Variants in PLD5 observed in about 807,000 individuals in gnomAD.
PLD5 encodes inactive phospholipase D5.
In PLD5, 36 loss-of-function variants were observed where a neutral mutation model predicts 61.1. The observed-to-expected ratio is 0.59, with a 90% confidence interval of 0.45 to 0.78. The LOEUF is 0.78. PLD5 is among the 30% of genes least tolerant of loss of function. The probability of loss-of-function intolerance (pLI) is 0.00; values close to 1 mark genes in which losing one functional copy is unlikely to be tolerated. For missense variants in PLD5, 515 were observed against 644.4 expected, an observed-to-expected ratio of 0.80 and a Z score of 2.17; for synonymous variants, 243 against 242.8, an observed-to-expected ratio of 1.00 and a Z score of -0.01.
intron 5 of PLD5, among the ~76,000 whole-genome samples, chr1:242,152,721 G>A (rs1665028339): frequency 6.6e-6 from 1 of 152,120 alleles, no homozygotes; most frequent in Admixed American, 6.5e-5. Flanking sequence ...ATTCCATGGT[G>A]TATATGTGTC....
intron 1 of PLD5, among the ~76,000 whole-genome samples, chr1:242,484,618 T>G (rs2102967397): frequency 6.6e-6 from 1 of 152,326 alleles, no homozygotes; most frequent in Middle Eastern, 3.4e-3. Flanking sequence ...ACAGCTGAAT[T>G]CTACCAGAGG....
chr1:242,283,682 G>T (rs1288952579), intron 3 of PLD5, among the ~76,000 whole-genome samples: 1 of 152,090 alleles, frequency 6.6e-6, no homozygotes, highest in Non-Finnish European at 1.5e-5. Context: ...GAGTAATCAG[G>T]GTGTGAACTA....
At chr1:242,500,688 GAGA>G (rs146163430) in intron 1 of PLD5, among the ~76,000 whole-genome samples, 1 of 152,080 alleles carries the variant, frequency 6.6e-6, no homozygotes, top group African/African-American at 2.4e-5. Context: ...AAGGGAAGAA[GAGA>G]AGAAGGAGCA....
At chr1:242,129,347 T>C (rs1424655350) in intron 5 of PLD5, among the ~76,000 whole-genome samples, 2 of 152,180 alleles carry the variant, frequency 1.3e-5, no homozygotes, top group Non-Finnish European at 2.9e-5. Context: ...AGAATTACAT[T>C]TCCTCTGAAT....
chr1:242,395,583 G>T (rs1304979717), intron 1 of PLD5, among the ~76,000 whole-genome samples: 1 of 152,164 alleles, frequency 6.6e-6, no homozygotes, highest in Non-Finnish European at 1.5e-5. Flanking sequence ...ATATTGCAAG[G>T]TTTAGAGGGC....
At chr1:242,228,110 C>CA (rs1194775433) in intron 4 of PLD5, among the ~76,000 whole-genome samples, 1 of 152,190 alleles carries the variant, frequency 6.6e-6, no homozygotes, top group African/African-American at 2.4e-5. Context: ...CACATTTACA[C>CA]ATTACACTTG....
chr1:242,092,144 A>G (rs1659883495), intron 9 of PLD5, among the ~76,000 whole-genome samples: 1 of 151,856 alleles, frequency 6.6e-6, no homozygotes, highest in Non-Finnish European at 1.5e-5. Flanking sequence ...ATTTATTTTT[A>G]GAGGCAGGAT....
intron 9 of PLD5, among the ~76,000 whole-genome samples, chr1:242,092,115 A>G (rs1380990206): frequency 1.3e-5 from 2 of 151,940 alleles, no homozygotes; most frequent in Non-Finnish European, 2.9e-5. Context: ...AGCGTGAGCC[A>G]CTGTGCCGGG....
chr1:242,211,793 G>A (rs766109537), intron 5 of PLD5, among the ~76,000 whole-genome samples: 2 of 152,232 alleles, frequency 1.3e-5, no homozygotes, highest in African/African-American at 2.4e-5. Context: ...CAAGTTCACA[G>A]GGGATTATTC....
chr1:242,373,065 A>G (rs147154400), intron 1 of PLD5, among the ~76,000 whole-genome samples: 323 of 152,368 alleles, frequency 2.1e-3, no homozygotes, highest in African/African-American at 7.5e-3. Flanking sequence ...GCTAATATCC[A>G]TAATCTACAA....
intron 5 of PLD5, among the ~76,000 whole-genome samples, chr1:242,186,498 A>T (rs1449108403): frequency 1.3e-5 from 2 of 151,870 alleles, no homozygotes; most frequent in Non-Finnish European, 2.9e-5. Flanking sequence ...TGTAAGGAAT[A>T]TATTTTTTTT....
At chr1:242,283,200 T>C (rs1674818278) in intron 3 of PLD5, among the ~76,000 whole-genome samples, 1 of 152,142 alleles carries the variant, frequency 6.6e-6, no homozygotes, top group Non-Finnish European at 1.5e-5. Flanking sequence ...ACAAAATTGC[T>C]ACTCTTCCAG....
At chr1:242,314,167 T>C (rs1015693353) in intron 2 of PLD5, among the ~76,000 whole-genome samples, 2 of 152,174 alleles carry the variant, frequency 1.3e-5, no homozygotes, top group Non-Finnish European at 2.9e-5. Context: ...GGTGAATCCA[T>C]CACCTCAAGG....
intron 1 of PLD5, among the ~76,000 whole-genome samples, chr1:242,482,127 T>C (rs910379304): frequency 1.3e-5 from 2 of 152,102 alleles, no homozygotes; most frequent in African/African-American, 4.8e-5. Context: ...GCAGAAAAAC[T>C]GAAAATTCTA....
intron 2 of PLD5, among the ~76,000 whole-genome samples, chr1:242,308,180 T>C (rs898468365): frequency 5.3e-5 from 8 of 152,122 alleles, no homozygotes; most frequent in Non-Finnish European, 1.0e-4. Context: ...GGCTTCTGAT[T>C]CACTTCCAAT....
intron 1 of PLD5, among the ~76,000 whole-genome samples, chr1:242,399,809 C>T (rs1431347955): frequency 1.8e-4 from 27 of 152,150 alleles, no homozygotes; most frequent in Non-Finnish European, 4.4e-5. Context: ...AGCAGCATTA[C>T]ATTACCACGG....
At chr1:242,503,919 T>C (rs1394161740) in intron 1 of PLD5, among the ~76,000 whole-genome samples, 1 of 152,214 alleles carries the variant, frequency 6.6e-6, no homozygotes, top group Non-Finnish European at 1.5e-5. Flanking sequence ...AATTAACAAC[T>C]CTTCACATTT....
At chr1:242,334,547 T>C (rs1659390613) in intron 2 of PLD5, among the ~76,000 whole-genome samples, 1 of 152,184 alleles carries the variant, frequency 6.6e-6, no homozygotes, top group African/African-American at 2.4e-5. Flanking sequence ...GGCATCCCTC[T>C]GCCCTTTGGT....
At chr1:242,328,486 TTATGTGTTCTACATATG>T (rs1236691856) in intron 2 of PLD5, among the ~76,000 whole-genome samples, 1 of 152,166 alleles carries the variant, frequency 6.6e-6, no homozygotes, top group Admixed American at 6.6e-5. Context: ...TTCTACATAT[TTATGTGTTCTACATATG>T]TATGTGTTCT....
Sources: allele counts gnomAD v4.1 joint callset (sites outside exome capture counted in the v4.1 genomes callset), GRCh38; gene constraint gnomAD v4.1.1; transcripts MANE v1.5; gene names NCBI Gene and HGNC (gene_info 2026-07-23, HGNC 2026-07-21).